Variants in LRRTM4 observed in about 807,000 individuals in gnomAD.
The protein encoded by LRRTM4 is leucine rich repeat transmembrane neuronal 4.
LRRTM4 carries 25 observed loss-of-function variants against 47.6 expected under a neutral mutation model. The ratio of observed to expected loss-of-function variants is 0.53; its 90% CI spans 0.38 to 0.73. The LOEUF (loss-of-function observed/expected upper bound fraction) is 0.73, where lower values mean the gene tolerates loss of function less well. LRRTM4 is among the 30% of genes least tolerant of loss of function. The pLI is 0.00. For missense variants in LRRTM4, 638 were observed against 713.4 expected (o/e 0.89, Z 1.20); for synonymous variants, 311 against 269.5 (o/e 1.15, Z -1.51).
rs982360944 is a variant in LRRTM4, at chr2:77,037,976, C to T, written c.1552-289060G>A. ...AAAATTCTTAAGGAGCACAAGCTCA[C>T]ACACTTTGCTGAAGTTACACAGAGC... On this transcript the variant is annotated intron_variant, in intron 3 of 3. Transcript: ENST00000409884. 3.3e-5 allele frequency among the ~76,000 whole-genome samples: 5 copies of T among 151,626 alleles called. No homozygotes were observed. The South Asian group carries it at 1.0e-3, about 31-fold the overall frequency.
chr2:77,271,028 C>T (rs1676177689), intron 3 of LRRTM4, among the ~76,000 whole-genome samples: 1 of 152,164 alleles, frequency 6.6e-6, no homozygotes, highest in Non-Finnish European at 1.5e-5. Flanking sequence ...AAGAGAAAGC[C>T]TGACTTCGGT....
intron 3 of LRRTM4, among the ~76,000 whole-genome samples, chr2:77,133,068 G>A (rs1671844593): frequency 6.6e-6 from 1 of 152,322 alleles, no homozygotes; most frequent in Middle Eastern, 3.4e-3. Flanking sequence ...CAGTCCTGGA[G>A]TGAATGTGGC....
At chr2:77,218,468 C>G (rs1412600810) in intron 3 of LRRTM4, among the ~76,000 whole-genome samples, 1 of 151,946 alleles carries the variant, frequency 6.6e-6, no homozygotes, top group Non-Finnish European at 1.5e-5. Context: ...AATCCCATCT[C>G]TCTTAATGCC....
At chr2:77,002,297 C>T (rs1677460951) in intron 3 of LRRTM4, among the ~76,000 whole-genome samples, 1 of 152,060 alleles carries the variant, frequency 6.6e-6, no homozygotes, top group African/African-American at 2.4e-5. Context: ...ATTTGGTGTC[C>T]TACCCAGATT....
At chr2:76,984,909 T>A (rs1207267136) in intron 3 of LRRTM4, among the ~76,000 whole-genome samples, 1 of 152,008 alleles carries the variant, frequency 6.6e-6, no homozygotes, top group Non-Finnish European at 1.5e-5. Context: ...AGAGGGGAAT[T>A]TGAAAAAGCA....
chr2:76,934,448 T>C (rs932536081), intron 3 of LRRTM4, among the ~76,000 whole-genome samples: 3 of 152,170 alleles, frequency 2.0e-5, no homozygotes, highest in African/African-American at 4.8e-5. Flanking sequence ...GATGTCTCCA[T>C]TGTAAAATTC....
intron 3 of LRRTM4, among the ~76,000 whole-genome samples, chr2:77,338,397 A>T (rs1671242928): frequency 6.6e-6 from 1 of 152,066 alleles, no homozygotes; most frequent in Non-Finnish European, 1.5e-5. Flanking sequence ...CCACAAGAAA[A>T]ATCAAATAAC....
chr2:76,843,133 C>T (rs1227406826), intron 3 of LRRTM4, among the ~76,000 whole-genome samples: 2 of 152,052 alleles, frequency 1.3e-5, no homozygotes, highest in Non-Finnish European at 2.9e-5. Flanking sequence ...GATAGCCATC[C>T]TCTTTTTTGC....
chr2:76,840,134 C>G (rs1238384986), intron 3 of LRRTM4, among the ~76,000 whole-genome samples: 1 of 152,054 alleles, frequency 6.6e-6, no homozygotes, highest in East Asian at 1.9e-4. Context: ...AATGAATTTT[C>G]TTGTGAAGAA....
At chr2:76,866,316 T>TCGC (rs1404466394) in intron 3 of LRRTM4, among the ~76,000 whole-genome samples, 3 of 152,188 alleles carry the variant, frequency 2.0e-5, no homozygotes, top group Non-Finnish European at 4.4e-5. Context: ...CTTGAAGAGC[T>TCGC]CGCCTACATG....
chr2:76,904,428 A>G (rs62170288), intron 3 of LRRTM4, among the ~76,000 whole-genome samples: 92 of 152,188 alleles, frequency 6.0e-4, no homozygotes, highest in Non-Finnish European at 1.2e-3. Context: ...TGTCCTATAT[A>G]CTGACTTTAC....
At chr2:77,419,901 G>A (rs986556360) in intron 3 of LRRTM4, among the ~76,000 whole-genome samples, 1 of 152,138 alleles carries the variant, frequency 6.6e-6, no homozygotes, top group Non-Finnish European at 1.5e-5. Flanking sequence ...AAACATGATC[G>A]GTAAACATAG....
At chr2:77,077,040 CTTAT>C (rs996193328) in intron 3 of LRRTM4, among the ~76,000 whole-genome samples, 26 of 152,106 alleles carry the variant, frequency 1.7e-4, no homozygotes, top group Non-Finnish European at 1.0e-4. Context: ...TCCCCAACAG[CTTAT>C]TTGTTGATTA....
At chr2:76,948,478 T>G (rs1048256240) in intron 3 of LRRTM4, among the ~76,000 whole-genome samples, 1 of 151,830 alleles carries the variant, frequency 6.6e-6, no homozygotes, top group Non-Finnish European at 1.5e-5. Flanking sequence ...GGATGTGTCA[T>G]CTCTTTTCAT....
chr2:76,919,310 C>G (rs190012806), intron 3 of LRRTM4, among the ~76,000 whole-genome samples: 3 of 152,100 alleles, frequency 2.0e-5, no homozygotes, highest in Non-Finnish European at 4.4e-5. Context: ...TTAGTATAAA[C>G]TAAGTGATCA....
chr2:77,308,852 G>T (rs557306719), intron 3 of LRRTM4, among the ~76,000 whole-genome samples: 2 of 151,530 alleles, frequency 1.3e-5, no homozygotes, highest in African/African-American at 4.8e-5. Context: ...GGGCATGGGG[G>T]TGGGGGTTGG....
At chr2:77,297,930 T>G (rs1339971351) in intron 3 of LRRTM4, among the ~76,000 whole-genome samples, 2 of 152,224 alleles carry the variant, frequency 1.3e-5, no homozygotes, top group African/African-American at 4.8e-5. Context: ...GTTTTGTTTT[T>G]AAATCTTGCA....
At chr2:77,168,871 T>C (rs568391037) in intron 3 of LRRTM4, among the ~76,000 whole-genome samples, 1 of 152,168 alleles carries the variant, frequency 6.6e-6, no homozygotes, top group Non-Finnish European at 1.5e-5. Context: ...CAAAAGATAA[T>C]ACTCCACCAT....
chr2:76,911,628 G>A (rs1375152761), intron 3 of LRRTM4, among the ~76,000 whole-genome samples: 1 of 151,998 alleles, frequency 6.6e-6, no homozygotes, highest in African/African-American at 2.4e-5. Context: ...ACGGCAGAGA[G>A]AGAGAAAAGA....
Sources: allele counts gnomAD v4.1 joint callset (sites outside exome capture counted in the v4.1 genomes callset), GRCh38; gene constraint gnomAD v4.1.1; transcripts MANE v1.5; gene names NCBI Gene and HGNC (gene_info 2026-07-23, HGNC 2026-07-21).